Variants in TTC17 observed in about 807,000 individuals in gnomAD.
TTC17 encodes tetratricopeptide repeat protein 17.
TTC17 carries 58 observed loss-of-function variants against 143.8 expected under a neutral mutation model. The observed-to-expected ratio is 0.40, with a 90% CI of 0.33 to 0.50. The LOEUF is 0.50. Among genes scored for constraint, TTC17 ranks in the 20% least tolerant of loss-of-function variants. The pLI, the probability that TTC17 is intolerant of heterozygous loss-of-function variation, is 0.49. For synonymous variants in TTC17, 501 were observed against 497.8 expected, an observed-to-expected ratio of 1.01 and a Z score of -0.09; for missense variants, 1,273 against 1,392.5, an observed-to-expected ratio of 0.91 and a Z score of 1.37.
chr11:43,446,121 C>T lies in TTC17; in HGVS notation c.2666-1881C>T, dbSNP rs1173147320. 5 of 1,416,610 alleles carry T rather than the reference C, an allele frequency of 3.5e-6. No homozygotes were observed. In the East Asian group the frequency reaches 1.0e-4, roughly 29 times the overall value. The allele number at this position is 1,416,610 out of a possible 1,614,324, so 87.8% of individuals were successfully genotyped here. A position where few individuals can be genotyped will look rare whatever the true frequency, so the allele number is the denominator to read the frequency against. On this transcript the variant is annotated intron_variant, in intron 18 of 23. Coordinates refer to ENST00000039989, the MANE Select transcript of TTC17 (RefSeq NM_018259.6). Reference sequence around the variant, plus strand: ...GTGTACAAGACCCTTTACAGCCCGCCTCTGTGTACCCTTCAACACCATTCT... The same window carrying T: ...GTGTACAAGACCCTTTACAGCCCGCTTCTGTGTACCCTTCAACACCATTCT...
intron 20 of TTC17, 77 bp from the exon 21 acceptor site, chr11:43,451,105 C>T (rs1273949705): frequency 1.3e-5 from 18 of 1,423,878 alleles, no homozygotes; most frequent in Non-Finnish European, 1.7e-5. Context: ...GGTACAGTGC[C>T]CAACTCAGCA....
At position 43,407,387 on chromosome 11, in the gene TTC17, C is replaced by T; in HGVS notation, c.1874C>T (p.Ala625Val). The change falls in exon 15 of 24, where the codon GCT becomes GTT. Residue 625 changes from alanine (A) to valine (V), a missense_variant. By Grantham distance (64) the Ala-to-Val change is moderately conservative. Around this residue, in one of 3 missense-constraint regions of TTC17, gnomAD observed 878 missense variants for 899.8 expected, o/e 0.98. Transcript: ENST00000039989. Reference sequence around the variant, plus strand: ...CCTATCTGGCTCATACTCAATGAAGCTGGACTATACTGGAGAGCAGTAGGA... The same window carrying T: ...CCTATCTGGCTCATACTCAATGAAGTTGGACTATACTGGAGAGCAGTAGGA... ...NAPIWLILNE[A>V]GLYWRAVGNS... 6.2e-7 allele frequency: 1 copy of T among 1,613,862 alleles called. No individual in the cohort carries two copies. The highest frequency in any genetic ancestry group is 8.5e-7 in the Non-Finnish European group (1 of 1,179,954).
chr11:43,456,179 A>AACACACACACACACACAC (rs57261729), intron 21 of TTC17, among the ~76,000 whole-genome samples: 1 of 146,214 alleles, frequency 6.8e-6, no homozygotes, highest in Admixed American at 6.8e-5. Context: ...TTAGCACAAT[A>AACACACACACACACACAC]ACACACACAC....
At chr11:43,434,163 G>A (rs547998507) in intron 16 of TTC17, among the ~76,000 whole-genome samples, 1 of 138,398 alleles carries the variant, frequency 7.2e-6, no homozygotes, top group South Asian at 2.3e-4. Flanking sequence ...CCCTCCATGG[G>A]CGGGGACACA....
chr11:43,410,239 G>A (rs1858347836), intron 15 of TTC17, among the ~76,000 whole-genome samples: 1 of 152,088 alleles, frequency 6.6e-6, no homozygotes, highest in Non-Finnish European at 1.5e-5. Context: ...CAAACCCTTT[G>A]TATGATAAAC....
intron 18 of TTC17, 105 bp from the exon 19 acceptor site, chr11:43,447,897 C>A: frequency 7.2e-7 from 1 of 1,398,152 alleles, no homozygotes; most frequent in Non-Finnish European, 9.7e-7. Flanking sequence ...GAATGACTAG[C>A]ACCTCCAAAT....
chr11:43,408,245 G>A (rs768676056), intron 15 of TTC17, among the ~76,000 whole-genome samples: 1 of 152,142 alleles, frequency 6.6e-6, no homozygotes, highest in African/African-American at 2.4e-5. Context: ...TATAGGTTTT[G>A]TATTCAAAGA....
chr11:43,359,158 C>CG (rs760575615), intron 1 of TTC17, 45 bp downstream of exon 1: 3 of 1,523,356 alleles, frequency 2.0e-6, no homozygotes, highest in Non-Finnish European at 2.6e-6. Context: ...GCCCTCGCCC[C>CG]GGGGGGATTA....
rs556877296 is a variant in TTC17 at position 43,369,145 on chromosome 11, A to G, written c.159+10032A>G. On this transcript the variant is annotated intron_variant, in intron 1 of 23. Transcript: ENST00000039989. ...TTTAGAGTTGCAAATGTTCTACTTT[A>G]TTAATTATGTTATTTGTATATGCCC... Among the ~76,000 whole-genome samples the G allele has an allele frequency of 5.9e-5, 9 of 152,308 alleles. No homozygotes were observed. The South Asian group carries it at 1.9e-3, about 32-fold the overall frequency.
chr11:43,425,856 G>C (rs967735491), intron 16 of TTC17, among the ~76,000 whole-genome samples: 1 of 152,124 alleles, frequency 6.6e-6, no homozygotes, highest in East Asian at 1.9e-4. Flanking sequence ...ATATTGAAAA[G>C]GCCATAGCTT....
At chr11:43,456,050 G>A (rs1179387068) in intron 21 of TTC17, among the ~76,000 whole-genome samples, 3 of 152,100 alleles carry the variant, frequency 2.0e-5, no homozygotes, top group East Asian at 1.9e-4. Flanking sequence ...TTTGGAAACC[G>A]TTAATATCCT....
At chr11:43,405,465 G>C (rs370560790) in intron 11 of TTC17, 49 bp from the exon 12 acceptor site, 4 of 1,373,286 alleles carry the variant, frequency 2.9e-6, no homozygotes. Context: ...TTAGCATATT[G>C]AAATATTGAA....
chr11:43,400,731 T>G (rs969879987), intron 9 of TTC17, among the ~76,000 whole-genome samples: 5 of 152,102 alleles, frequency 3.3e-5, no homozygotes, highest in African/African-American at 1.2e-4. Flanking sequence ...TATTAAAATC[T>G]CTCAAGCATC....
intron 16 of TTC17, among the ~76,000 whole-genome samples, chr11:43,434,321 C>T (rs1024686559): frequency 2.0e-5 from 3 of 152,122 alleles, no homozygotes; most frequent in Non-Finnish European, 4.4e-5. Flanking sequence ...TTTCACTGCT[C>T]CCAAACACAA....
intron 21 of TTC17, among the ~76,000 whole-genome samples, chr11:43,481,965 A>G (rs1261864222): frequency 1.3e-5 from 2 of 151,986 alleles, no homozygotes; most frequent in African/African-American, 2.4e-5. Flanking sequence ...TTGCACCACC[A>G]TGCCTGGCTA....
intron 16 of TTC17, among the ~76,000 whole-genome samples, chr11:43,418,560 C>T (rs1005726397): frequency 2.0e-5 from 3 of 152,014 alleles, no homozygotes; most frequent in Admixed American, 1.3e-4. Flanking sequence ...ATAACAGCTT[C>T]GTCCTTTTAA....
chr11:43,436,195 C>T lies in TTC17; in HGVS notation c.2252-7130C>T, dbSNP rs1167482297. 5 of 1,444,186 alleles carry T rather than the reference C, an allele frequency of 3.5e-6. No individual in the cohort carries two copies. The African/African-American group carries it at 7.1e-5, about 21-fold the overall frequency. The allele number at this position is 1,444,186 out of a possible 1,614,324, so 89.5% of individuals were successfully genotyped here. A position where few individuals can be genotyped will look rare whatever the true frequency, so the allele number is the denominator to read the frequency against. On this transcript the variant is annotated intron_variant, in intron 16 of 23. Transcript: ENST00000039989. ...GTCATGAGAAAACCCTGGACAACAG[C>T]CATGACAAACAGAAATATTTTGACA...
At chr11:43,439,408 C>T (rs911462685) in intron 16 of TTC17, among the ~76,000 whole-genome samples, 1 of 151,694 alleles carries the variant, frequency 6.6e-6, no homozygotes, top group Non-Finnish European at 1.5e-5. Context: ...TGGAACATTA[C>T]AAGCTTCTTT....
chr11:43,364,490 TC>T (rs1212313110), intron 1 of TTC17, among the ~76,000 whole-genome samples: 1 of 152,202 alleles, frequency 6.6e-6, no homozygotes, highest in East Asian at 1.9e-4. Context: ...AAGTAACTCA[TC>T]TTTTTTTGTC....
Sources: allele counts gnomAD v4.1 joint callset (sites outside exome capture counted in the v4.1 genomes callset), GRCh38; gene constraint gnomAD v4.1.1; regional missense constraint gnomAD v4.1.1; transcripts MANE v1.5; gene names NCBI Gene and HGNC (gene_info 2026-07-23, HGNC 2026-07-21).